DIAPH3: variants seen among roughly 807,000 people sequenced by gnomAD.
DIAPH3 encodes the protein diaphanous related formin 3, also known as protein diaphanous homolog 3.
A neutral mutation model predicts 144.3 loss-of-function variants in DIAPH3; 117 were observed. That is an observed-to-expected ratio of 0.81 (90% CI 0.70 to 0.95). The LOEUF is 0.95. Ranked by LOEUF, DIAPH3 falls within the 40% of genes least tolerant of loss-of-function variation. The pLI is 0.00. For missense variants in DIAPH3, 1,421 were observed against 1,412.7 expected (o/e 1.01, Z -0.09); for synonymous variants, 519 against 488.9 (o/e 1.06, Z -0.81).
At chr13:59,931,636 TTGGA>T (rs1052552721) in intron 17 of DIAPH3, among the ~76,000 whole-genome samples, 2 of 152,196 alleles carry the variant, frequency 1.3e-5, no homozygotes, top group African/African-American at 4.8e-5. Context: ...CAAATATCTT[TTGGA>T]TGGACATACA....
chr13:59,734,499 AG>A (rs1266436438), intron 27 of DIAPH3, among the ~76,000 whole-genome samples: 1 of 152,196 alleles, frequency 6.6e-6, no homozygotes, highest in African/African-American at 2.4e-5. Context: ...GCCTCTGAGG[AG>A]TCATGTCACT....
chr13:59,949,881 C>T (rs1375894066), intron 17 of DIAPH3, among the ~76,000 whole-genome samples: 1 of 152,124 alleles, frequency 6.6e-6, no homozygotes, highest in African/African-American at 2.4e-5. Context: ...CCAAAATCTA[C>T]CAGCTAATGA....
Position 59,992,564 on chromosome 13 carries a change from A to ATGAGC in DIAPH3, c.1029_1033dup (p.Ile345SerfsTer28). 2 of 1,612,048 alleles carry ATGAGC rather than the reference A, an allele frequency of 1.2e-6. No individual in the cohort carries two copies. The highest frequency in any genetic ancestry group is 1.7e-6 in the Non-Finnish European group (2 of 1,178,998). ...ATCAGGAGATGTAACCAGGGCATTG[A>ATGAGC]TGAGCTGCATACAAGCTACCTACAA... On this transcript the variant is annotated frameshift_variant, in exon 10 of 28. Coordinates refer to ENST00000400324, the MANE Select transcript of DIAPH3 (RefSeq NM_001042517.2). LOFTEE classifies it high-confidence loss of function.
Position 59,991,261 on chromosome 13 carries a change from C to T in DIAPH3, c.1258G>A (p.Val420Ile), listed in dbSNP as rs1431132505. The T allele has an allele frequency of 6.2e-7, 1 of 1,604,766 alleles. No homozygotes were observed. The highest frequency in any genetic ancestry group is 1.1e-5 in the South Asian group (1 of 90,894). ...IRAELDEAYD[V>I]YNMVWSTVKE... ...ACTGTGCTCCACACCATGTTGTAAACATCATATGCTTCAGTGAGTTGATTA... is the reference window on the plus strand; with the variant it reads ...ACTGTGCTCCACACCATGTTGTAAATATCATATGCTTCAGTGAGTTGATTA... The change falls in exon 12 of 28, where the codon GTT (valine) becomes ATT (isoleucine). Residue 420 changes from valine to isoleucine, a missense_variant. By Grantham distance (29) the Val-to-Ile change is conservative. Transcript: ENST00000400324.
At chr13:59,717,018 T>C (rs1047663895) in intron 27 of DIAPH3, among the ~76,000 whole-genome samples, 2 of 152,106 alleles carry the variant, frequency 1.3e-5, no homozygotes, top group East Asian at 1.9e-4. Flanking sequence ...GTGTTAACTA[T>C]CATAAAATGC....
chr13:59,719,983 A>G (rs2035256335), intron 27 of DIAPH3, among the ~76,000 whole-genome samples: 1 of 152,148 alleles, frequency 6.6e-6, no homozygotes, highest in South Asian at 2.1e-4. Flanking sequence ...GAGAAACTGG[A>G]TAGTTGGGAA....
intron 10 of DIAPH3, 110 bp downstream of exon 10, chr13:59,992,363 C>T: frequency 8.8e-7 from 1 of 1,133,080 alleles, no homozygotes. Context: ...TTTTTTAACT[C>T]AAGCCTTTTC....
chr13:59,819,563 T>C (rs1258248636), intron 24 of DIAPH3, among the ~76,000 whole-genome samples: 2 of 151,846 alleles, frequency 1.3e-5, no homozygotes, highest in South Asian at 2.1e-4. Flanking sequence ...GCAGTTCTCA[T>C]ACAGTATGTA....
chr13:59,825,807 T>G (rs938553945), intron 24 of DIAPH3, among the ~76,000 whole-genome samples: 3 of 152,210 alleles, frequency 2.0e-5, no homozygotes, highest in Non-Finnish European at 2.9e-5. Flanking sequence ...CATTTTTTCA[T>G]GTGTCTTTTG....
chr13:59,795,453 CTCTT>C (rs1347948212), intron 25 of DIAPH3, among the ~76,000 whole-genome samples: 1 of 145,604 alleles, frequency 6.9e-6, no homozygotes, highest in Non-Finnish European at 1.5e-5. Context: ...CATTCTCTCT[CTCTT>C]TTTTTTTTTT....
intron 1 of DIAPH3, among the ~76,000 whole-genome samples, chr13:60,142,432 C>A (rs2059443837): frequency 6.6e-6 from 1 of 152,080 alleles, no homozygotes; most frequent in African/African-American, 2.4e-5. Flanking sequence ...TGGAATTAGT[C>A]TAGGGGGTAG....
chr13:60,040,292 T>C (rs1306853310), intron 5 of DIAPH3, among the ~76,000 whole-genome samples: 2 of 151,334 alleles, frequency 1.3e-5, no homozygotes, highest in African/African-American at 4.9e-5. Context: ...TGGCATGATT[T>C]CAGAAAAAAT....
At position 60,137,130 on chromosome 13, in the gene DIAPH3, G is replaced by A. The variant is rs1206294217; in HGVS notation, c.181-4141C>T. Among the ~76,000 whole-genome samples the A allele has an allele frequency of 3.3e-5, 5 of 152,114 alleles. No homozygotes were observed. The East Asian group carries it at 7.7e-4, about 23-fold the overall frequency. On this transcript the variant is annotated intron_variant, in intron 1 of 27. Transcript: ENST00000400324. ...AAAGTAAGGAGAACCACATACAGATGGGTAACAATGTTTTCTGTTAATGAC... is the reference window on the plus strand; with the variant it reads ...AAAGTAAGGAGAACCACATACAGATAGGTAACAATGTTTTCTGTTAATGAC...
intron 3 of DIAPH3, among the ~76,000 whole-genome samples, chr13:60,107,690 A>G (rs925366666): frequency 2.0e-5 from 3 of 152,216 alleles, no homozygotes; most frequent in African/African-American, 7.2e-5. Context: ...CTACATTACA[A>G]AAAAGCCTGA....
chr13:60,093,753 G>T (rs1375772668), intron 3 of DIAPH3, 21 bp from the exon 4 acceptor site: 4 of 1,525,342 alleles, frequency 2.6e-6, no homozygotes, highest in South Asian at 1.1e-5. Context: ...CAATTAAAAT[G>T]CCTCATTTTA....
At chr13:59,946,755 C>T (rs930558346) in intron 17 of DIAPH3, among the ~76,000 whole-genome samples, 3 of 151,998 alleles carry the variant, frequency 2.0e-5, no homozygotes, top group East Asian at 1.9e-4. Flanking sequence ...AAGTACATAA[C>T]GGATATGTTA....
At chr13:60,093,753 G>A (rs1375772668) in intron 3 of DIAPH3, 21 bp from the exon 4 acceptor site, 1 of 1,525,342 alleles carries the variant, frequency 6.6e-7, no homozygotes, top group Admixed American at 1.7e-5. Context: ...CAATTAAAAT[G>A]CCTCATTTTA....
At chr13:60,125,978 G>A (rs776113922) in intron 2 of DIAPH3, among the ~76,000 whole-genome samples, 1 of 152,154 alleles carries the variant, frequency 6.6e-6, no homozygotes, top group Non-Finnish European at 1.5e-5. Context: ...GGAAAGTAAA[G>A]GGTTTAACTT....
intron 24 of DIAPH3, among the ~76,000 whole-genome samples, chr13:59,819,727 T>G (rs1045309784): frequency 6.7e-6 from 1 of 148,852 alleles, no homozygotes; most frequent in African/African-American, 2.5e-5. Flanking sequence ...CCTTCAAGAA[T>G]ACATTAAGTA....
Sources: gnomAD v4.1 joint callset for allele counts (sites outside exome capture counted in the v4.1 genomes callset) on GRCh38, gnomAD v4.1.1 for gene constraint, MANE v1.5 for transcripts, NCBI Gene and HGNC (gene_info 2026-07-23, HGNC 2026-07-21) for gene names.